Variants in SUSD4 observed in about 807,000 individuals in gnomAD.
The protein encoded by SUSD4 is sushi domain containing 4, also known as sushi domain-containing protein 4.
A neutral mutation model predicts 50.5 loss-of-function variants in SUSD4; 41 were observed. That is an observed-to-expected ratio of 0.81 (90% CI 0.63 to 1.05). SUSD4 has a LOEUF of 1.05. Ranked by LOEUF, SUSD4 falls within the 50% of genes least tolerant of loss-of-function variation. SUSD4 has a pLI of 0.00. For synonymous variants in SUSD4, 257 were observed against 257.3 expected, an observed-to-expected ratio of 1.00 and a Z score of 0.01; for missense variants, 580 against 634.7, an observed-to-expected ratio of 0.91 and a Z score of 0.93.
At chr1:223,282,144 C>A (rs552592120) in intron 3 of SUSD4, among the ~76,000 whole-genome samples, 14 of 152,248 alleles carry the variant, frequency 9.2e-5, no homozygotes, top group South Asian at 2.1e-4. Flanking sequence ...ACTGAATGGG[C>A]AAAAAGTGGA....
At chr1:223,235,184 T>C (rs1558168644) in intron 5 of SUSD4, 1 of 1,368,654 alleles carries the variant, frequency 7.3e-7, no homozygotes, top group African/African-American at 1.5e-5. Flanking sequence ...CTTTTCTTTC[T>C]AAAAAAAATA....
intron 2 of SUSD4, among the ~76,000 whole-genome samples, chr1:223,348,647 C>G (rs1392254783): frequency 6.6e-6 from 1 of 152,180 alleles, no homozygotes; most frequent in African/African-American, 2.4e-5. Context: ...GCACTGCCCA[C>G]TTTTTCTCTT....
chr1:223,259,316 G>A (rs1398891202), intron 5 of SUSD4, among the ~76,000 whole-genome samples: 1 of 152,160 alleles, frequency 6.6e-6, no homozygotes, highest in Non-Finnish European at 1.5e-5. Flanking sequence ...TTTATCTAGA[G>A]TGTTGTTGAA....
chr1:223,228,477 C>T (rs747768338), intron 6 of SUSD4, among the ~76,000 whole-genome samples: 5 of 152,186 alleles, frequency 3.3e-5, no homozygotes, highest in African/African-American at 4.8e-5. Flanking sequence ...GCAGCATCCC[C>T]AGCCTGGAAA....
chr1:223,246,474 C>T (rs1396646105), intron 5 of SUSD4, among the ~76,000 whole-genome samples: 1 of 151,990 alleles, frequency 6.6e-6, no homozygotes, highest in Non-Finnish European at 1.5e-5. Flanking sequence ...AGCCCCGCCC[C>T]CACCCCAGAG....
chr1:223,327,530 G>A (rs1032003601), intron 2 of SUSD4, among the ~76,000 whole-genome samples: 2 of 152,194 alleles, frequency 1.3e-5, no homozygotes, highest in African/African-American at 4.8e-5. Flanking sequence ...CCTATTACAT[G>A]ATTCAAACCT....
At chr1:223,245,869 G>A (rs1660890780) in intron 5 of SUSD4, among the ~76,000 whole-genome samples, 1 of 152,216 alleles carries the variant, frequency 6.6e-6, no homozygotes, top group Admixed American at 6.5e-5. Context: ...CCAGATTTCT[G>A]ACCTGGCTCG....
At chr1:223,237,285 T>A (rs1175899551) in intron 5 of SUSD4, among the ~76,000 whole-genome samples, 1 of 152,028 alleles carries the variant, frequency 6.6e-6, no homozygotes, top group Non-Finnish European at 1.5e-5. Context: ...GATGATCATG[T>A]CCCCTGTGAA....
intron 2 of SUSD4, among the ~76,000 whole-genome samples, chr1:223,342,502 T>C (rs1169531147): frequency 6.6e-6 from 1 of 152,222 alleles, no homozygotes. Context: ...TTGCTCTATC[T>C]GATTTTAAAA....
chr1:223,342,028 C>T (rs1014416702), intron 2 of SUSD4, among the ~76,000 whole-genome samples: 3 of 152,122 alleles, frequency 2.0e-5, no homozygotes, highest in African/African-American at 7.2e-5. Flanking sequence ...CCAGCCCAGA[C>T]GAGTCTCCAA....
At chr1:223,244,077 C>G (rs1218628507) in intron 5 of SUSD4, among the ~76,000 whole-genome samples, 1 of 152,216 alleles carries the variant, frequency 6.6e-6, no homozygotes, top group Non-Finnish European at 1.5e-5. Flanking sequence ...AGGCCTTCTC[C>G]TCTAGCTGCT....
At chr1:223,324,570 A>G (rs1666766213) in intron 2 of SUSD4, among the ~76,000 whole-genome samples, 2 of 152,154 alleles carry the variant, frequency 1.3e-5, no homozygotes, top group South Asian at 2.1e-4. Flanking sequence ...CTGGATCAGT[A>G]AGACACAAAT....
intron 2 of SUSD4, among the ~76,000 whole-genome samples, chr1:223,347,812 C>T (rs917713654): frequency 2.2e-5 from 2 of 89,698 alleles, no homozygotes; most frequent in Non-Finnish European, 4.8e-5. Context: ...ATCCACATAA[C>T]CCTCAGGAGG....
rs563070454 is a variant in SUSD4 at position 223,251,516 on chromosome 1, G to A, written c.724+13114C>T. Among the ~76,000 whole-genome samples the A allele has an allele frequency of 5.3e-5, 8 of 152,280 alleles. No individual in the cohort carries two copies. The East Asian group carries it at 1.5e-3, about 29-fold the overall frequency. On this transcript the variant is annotated intron_variant, in intron 5 of 8. Coordinates refer to ENST00000366878, the MANE Select transcript of SUSD4 (RefSeq NM_017982.4). ...TCAAATTTCAACATGAGATTTGGAG[G>A]AAATAACATCCAAAACATATCAACT...
At position 223,223,575 on chromosome 1, in the gene SUSD4, G is replaced by A. The variant is rs777390083; in HGVS notation, c.1118C>T (p.Pro373Leu). The A allele has an allele frequency of 6.2e-7, 1 of 1,613,218 alleles. No individual in the cohort carries two copies. The highest frequency in any genetic ancestry group is 2.2e-5 in the East Asian group (1 of 44,848). The change falls in exon 8 of 9, where the codon CCC becomes CTC. Residue 373 changes from proline to leucine, a missense_variant. Physicochemically the swap from Pro to Leu is moderately conservative, Grantham distance 98 (BLOSUM62 -3). Transcript: ENST00000366878. ...DPDFVVVDGV[P>L]VMLPSYDEAV... is the part of the protein sequence containing the mutation. Reference sequence around the variant, plus strand: ...TTCGTCATAGGACGGGAGCATGACGGGCACGCCGTCTACCACCACAAAGTC... The same window carrying A: ...TTCGTCATAGGACGGGAGCATGACGAGCACGCCGTCTACCACCACAAAGTC...
chr1:223,335,112 C>T (rs1223027956), intron 2 of SUSD4, among the ~76,000 whole-genome samples: 1 of 152,118 alleles, frequency 6.6e-6, no homozygotes, highest in Non-Finnish European at 1.5e-5. Context: ...TTTATTTACC[C>T]ACTTGTTGAC....
chr1:223,364,581 C>T (rs1400422127), upstream of SUSD4, among the ~76,000 whole-genome samples: 2 of 150,542 alleles, frequency 1.3e-5, no homozygotes, highest in African/African-American at 2.4e-5. This position sits in a 1 kb window ranked among gnomAD's most constrained non-coding sequence, Gnocchi z 4.5. Context: ...TCGGTCGCCC[C>T]TTCCCCGGCG....
Position 223,227,721 on chromosome 1 carries a change from TG to T in SUSD4, c.933del (p.Ser311ArgfsTer7). ...YCIKSEQTWP[S>X]THETLLTTWK... is the part of the protein sequence containing the mutation. ...CACGTGGTCAGGAGGGTCTCATGGG[TG>T]CTGGGCCACGTTTGCTCTGCATGAG... On this transcript the variant is annotated frameshift_variant, in exon 7 of 9. Coordinates refer to ENST00000366878, the MANE Select transcript of SUSD4 (RefSeq NM_017982.4). LOFTEE classifies it high-confidence loss of function. The surrounding 1 kb of genome is among the most constrained non-coding windows in gnomAD (Gnocchi z 4.5). 1 of 1,612,566 alleles carries T rather than the reference TG, an allele frequency of 6.2e-7. No homozygotes were observed. The highest frequency in any genetic ancestry group is 8.5e-7 in the Non-Finnish European group (1 of 1,179,404).
intron 2 of SUSD4, among the ~76,000 whole-genome samples, chr1:223,345,250 G>A (rs182920515): frequency 9.9e-5 from 15 of 152,144 alleles, no homozygotes; most frequent in Admixed American, 9.8e-4. Context: ...TCAGAGGTCC[G>A]CACCACTAAC....
Sources: gnomAD v4.1 joint callset for allele counts (sites outside exome capture counted in the v4.1 genomes callset) on GRCh38, gnomAD v4.1.1 for gene constraint, Gnocchi (gnomAD v3.1) non-coding constraint, MANE v1.5 for transcripts, NCBI Gene and HGNC (gene_info 2026-07-23, HGNC 2026-07-21) for gene names.